Variants in PDE1A observed in about 807,000 individuals in gnomAD.
The protein encoded by PDE1A is dual specificity calcium/calmodulin-dependent 3',5'-cyclic nucleotide phosphodiesterase 1A.
A neutral mutation model predicts 61.7 loss-of-function variants in PDE1A; 35 were observed. The ratio of observed to expected loss-of-function variants is 0.57; its 90% CI spans 0.43 to 0.75. The LOEUF is 0.75. Among genes scored for constraint, PDE1A ranks in the 30% least tolerant of loss-of-function variants. The probability of loss-of-function intolerance (pLI) is 0.00; values close to 1 mark genes in which losing one functional copy is unlikely to be tolerated. For synonymous variants in PDE1A, 232 were observed against 213.2 expected, an observed-to-expected ratio of 1.09 and a Z score of -0.77; for missense variants, 597 against 630.6, an observed-to-expected ratio of 0.95 and a Z score of 0.57.
At chr2:182,301,481 G>A (rs1294387899) in intron 1 of PDE1A, among the ~76,000 whole-genome samples, 6 of 152,140 alleles carry the variant, frequency 3.9e-5, no homozygotes, top group African/African-American at 1.4e-4. Flanking sequence ...TTTCAACTCA[G>A]CTGTAAAAGA....
intron 4 of PDE1A, among the ~76,000 whole-genome samples, chr2:182,231,609 T>C (rs1007676758): frequency 6.6e-6 from 1 of 152,098 alleles, no homozygotes; most frequent in Non-Finnish European, 1.5e-5. Flanking sequence ...TTGATATTTA[T>C]GTCCTGTTTT....
chr2:182,590,843 C>T, the PDE1A span, among the ~76,000 whole-genome samples: 2 of 152,132 alleles, frequency 1.3e-5, no homozygotes, highest in Non-Finnish European at 2.9e-5. Context: ...CACTAATTTG[C>T]ACTGGAAATG....
At chr2:182,143,733 T>A (rs1323979291), downstream of PDE1A, among the ~76,000 whole-genome samples, 1 of 152,164 alleles carries the variant, frequency 6.6e-6, no homozygotes, top group Non-Finnish European at 1.5e-5. Flanking sequence ...GCCAGGATGG[T>A]CTCGATCTCC....
At chr2:182,234,133 C>A (rs1689811101) in intron 4 of PDE1A, among the ~76,000 whole-genome samples, 2 of 151,884 alleles carry the variant, frequency 1.3e-5, no homozygotes, top group South Asian at 2.1e-4. Flanking sequence ...AGTACTAGTG[C>A]CATTTCAAAA....
At chr2:182,309,134 T>C (rs979206542) in intron 1 of PDE1A, among the ~76,000 whole-genome samples, 3 of 152,010 alleles carry the variant, frequency 2.0e-5, no homozygotes, top group Non-Finnish European at 2.9e-5. Flanking sequence ...ACGTAAAAAG[T>C]TGGATATGAT....
At chr2:182,159,958 A>T (rs1414598586) in intron 13 of PDE1A, among the ~76,000 whole-genome samples, 2 of 151,896 alleles carry the variant, frequency 1.3e-5, no homozygotes, top group Non-Finnish European at 2.9e-5. Context: ...GTCTCAAATT[A>T]AAAAAAAGAA....
intron 2 of PDE1A, among the ~76,000 whole-genome samples, chr2:182,250,904 C>T (rs528959751): frequency 2.0e-5 from 3 of 151,976 alleles, no homozygotes; most frequent in South Asian, 4.2e-4. Flanking sequence ...CAGAAAGGAC[C>T]CAAAGAATGT....
the PDE1A span, among the ~76,000 whole-genome samples, chr2:182,619,343 TAGATCCCTCAGA>T: frequency 5.3e-5 from 8 of 151,984 alleles, no homozygotes; most frequent in Non-Finnish European, 8.8e-5. Flanking sequence ...AAAAACGCTA[TAGATCCCTCAGA>T]AGATGAGGAA....
chr2:182,271,185 CAAAA>C (rs11399196), intron 1 of PDE1A, among the ~76,000 whole-genome samples: 3 of 111,708 alleles, frequency 2.7e-5, no homozygotes, highest in Non-Finnish European at 1.9e-5. Context: ...CCTTTACCAC[CAAAA>C]AAAAAAAAAA....
chr2:182,406,915 GTTTGTT>G (rs1477221539), intron 1 of PDE1A, among the ~76,000 whole-genome samples: 1 of 151,918 alleles, frequency 6.6e-6, no homozygotes, highest in East Asian at 1.9e-4. Context: ...TACTATCTCA[GTTTGTT>G]TTTAATTGTA....
chr2:182,151,397 G>GC (rs1322040285), intron 13 of PDE1A, among the ~76,000 whole-genome samples: 1 of 152,028 alleles, frequency 6.6e-6, no homozygotes, highest in African/African-American at 2.4e-5. Flanking sequence ...GAGCCACCAC[G>GC]CCCTGCCCCC....
chr2:182,398,381 T>C (rs1243052977), intron 1 of PDE1A, among the ~76,000 whole-genome samples: 1 of 152,026 alleles, frequency 6.6e-6, no homozygotes, highest in Non-Finnish European at 1.5e-5. Flanking sequence ...TTGTCATAGA[T>C]GTGAATATAG....
the PDE1A span, among the ~76,000 whole-genome samples, chr2:182,638,996 T>C: frequency 6.6e-6 from 1 of 152,150 alleles, no homozygotes; most frequent in African/African-American, 2.4e-5. Context: ...GTCAAGGAAA[T>C]CTAACTCATG....
intron 2 of PDE1A, among the ~76,000 whole-genome samples, chr2:182,258,609 TA>T (rs1431563487): frequency 2.0e-5 from 3 of 152,222 alleles, no homozygotes; most frequent in Non-Finnish European, 2.9e-5. Flanking sequence ...CATGCACATA[TA>T]TCTAGCATAT....
chr2:182,562,892 A>G, the PDE1A span, among the ~76,000 whole-genome samples: 3,724 of 152,214 alleles, frequency 0.024, 145 homozygotes, highest in African/African-American at 0.086. Flanking sequence ...CTGTGGGATC[A>G]GTGGTGATAT....
the PDE1A span, among the ~76,000 whole-genome samples, chr2:182,537,266 T>C: frequency 6.6e-6 from 1 of 152,294 alleles, no homozygotes; most frequent in South Asian, 2.1e-4. Context: ...TTTTAAAATT[T>C]GAGCAGAGAA....
chr2:182,605,541 C>T, the PDE1A span, among the ~76,000 whole-genome samples: 3 of 152,214 alleles, frequency 2.0e-5, no homozygotes, highest in African/African-American at 4.8e-5. Flanking sequence ...AATGGATGGC[C>T]TCGTGAAATA....
intron 1 of PDE1A, among the ~76,000 whole-genome samples, chr2:182,280,071 A>G (rs1693699768): frequency 6.6e-6 from 1 of 151,968 alleles, no homozygotes; most frequent in Non-Finnish European, 1.5e-5. Flanking sequence ...TTACATTTTT[A>G]TGATCAGACA....
chr2:182,182,054 G>T (rs1684810182), intron 13 of PDE1A, among the ~76,000 whole-genome samples: 1 of 152,108 alleles, frequency 6.6e-6, no homozygotes, highest in African/African-American at 2.4e-5. Context: ...GAACAATGCT[G>T]CTGTGAATAT....
Sources: gnomAD v4.1 joint callset for allele counts (sites outside exome capture counted in the v4.1 genomes callset) on GRCh38, gnomAD v4.1.1 for gene constraint, MANE v1.5 for transcripts, NCBI Gene and HGNC (gene_info 2026-07-23, HGNC 2026-07-21) for gene names.